Variants in CSMD1 observed in about 807,000 individuals in gnomAD.
CSMD1 encodes the protein CUB and Sushi multiple domains 1.
In CSMD1, 213 loss-of-function variants were observed where a neutral mutation model predicts 417.5. That is an observed-to-expected ratio of 0.51 (90% CI 0.46 to 0.57). The LOEUF (loss-of-function observed/expected upper bound fraction) is 0.57, where lower values mean the gene tolerates loss of function less well. Ranked by LOEUF, CSMD1 falls within the 20% of genes least tolerant of loss-of-function variation. The pLI is 0.00. For missense variants in CSMD1, 6,923 were observed against 4,529.7 expected, an observed-to-expected ratio of 1.53 and a Z score of -15.17; for synonymous variants, 2,862 against 1,736.8, an observed-to-expected ratio of 1.65 and a Z score of -16.11.
chr8:4,754,488 T>C (rs1811542041), intron 1 of CSMD1, among the ~76,000 whole-genome samples: 1 of 152,044 alleles, frequency 6.6e-6, no homozygotes, highest in South Asian at 2.1e-4. Context: ...ATTTTTGCAC[T>C]TCCAAGTTTA....
chr8:4,051,756 G>T (rs866736273), intron 3 of CSMD1, among the ~76,000 whole-genome samples: 1 of 152,140 alleles, frequency 6.6e-6, no homozygotes, highest in African/African-American at 2.4e-5. Context: ...CACCACTGCT[G>T]GTTTTGGTAG....
chr8:4,375,141 G>T (rs933750613), intron 3 of CSMD1, among the ~76,000 whole-genome samples: 1 of 152,140 alleles, frequency 6.6e-6, no homozygotes, highest in South Asian at 2.1e-4. Flanking sequence ...CTGTAGATAG[G>T]TGAAAATACA....
chr8:3,407,300 T>A (rs752659883), intron 14 of CSMD1, among the ~76,000 whole-genome samples: 1 of 151,582 alleles, frequency 6.6e-6, no homozygotes, highest in Non-Finnish European at 1.5e-5. Context: ...AAAGGAATGA[T>A]AGACGGAATA....
At position 3,515,177 on chromosome 8, in the gene CSMD1, C is replaced by G. The variant is rs566153453; in HGVS notation, c.1345-21451G>C. The G allele has an allele frequency of 9.8e-5, 15 of 152,300 alleles. No homozygotes were observed. In the East Asian group the frequency reaches 2.3e-3, roughly 23 times the overall value. 9.4% of individuals were successfully genotyped at this position (152,300 alleles called of 1,614,324 possible). On this transcript the variant is annotated intron_variant, in intron 10 of 69. Coordinates refer to ENST00000635120, the MANE Select transcript of CSMD1 (RefSeq NM_033225.6). ...AAGAAGTAGTCATGAAAGTCCTACTCTCTATGAAATTTTAAAGATTTGAGG... is the reference window on the plus strand; with the variant it reads ...AAGAAGTAGTCATGAAAGTCCTACTGTCTATGAAATTTTAAAGATTTGAGG...
At chr8:3,677,630 A>C (rs558290746) in intron 7 of CSMD1, among the ~76,000 whole-genome samples, 12 of 152,290 alleles carry the variant, frequency 7.9e-5, no homozygotes, top group South Asian at 6.2e-4. Flanking sequence ...TCTTTTAAGC[A>C]AAACCTCCAG....
chr8:3,249,065 G>C (rs1033886861), intron 26 of CSMD1, among the ~76,000 whole-genome samples: 3 of 152,170 alleles, frequency 2.0e-5, no homozygotes, highest in African/African-American at 7.2e-5. Context: ...GCAGCGTACA[G>C]TGGGTTCTCA....
At position 3,452,986 on chromosome 8, in the gene CSMD1, T is replaced by A. The variant is rs549455540; in HGVS notation, c.1561+15726A>T. On this transcript the variant is annotated intron_variant, in intron 12 of 69. Transcript: ENST00000635120. ...TTGGTAAGCTATTAATTATTGCCTC[T>A]ATTTCAGAGCCTGTTATTGGTCTAT... is the stretch of plus-strand genomic sequence containing the variant. Among the ~76,000 whole-genome samples, 6 of 152,254 alleles carry A rather than the reference T, an allele frequency of 3.9e-5. No homozygotes were observed. The East Asian group carries it at 9.7e-4, about 25-fold the overall frequency.
At chr8:4,103,837 C>G (rs570102735) in intron 3 of CSMD1, among the ~76,000 whole-genome samples, 6 of 152,302 alleles carry the variant, frequency 3.9e-5, no homozygotes, top group Non-Finnish European at 8.8e-5. Context: ...ATAAAATGCT[C>G]TAACTCCCTG....
rs548467841 is a variant in CSMD1, at chr8:4,146,052, T to C, written c.416-113953A>G. On this transcript the variant is annotated intron_variant, in intron 3 of 69. Coordinates refer to ENST00000635120, the MANE Select transcript of CSMD1 (RefSeq NM_033225.6). ...GTTGGGGAGTGAACACTTAGCAACA[T>C]TGCAGACACTTGAGGGAGGCAATTG... 6.0e-5 allele frequency among the ~76,000 whole-genome samples: 9 copies of C among 150,838 alleles called. 2 individuals carry two copies. Among genetic ancestry groups the C allele is most frequent in the African/African-American group, 2.0e-4 (8 of 40,264 alleles).
chr8:4,911,056 T>A (rs1287286262), intron 1 of CSMD1, among the ~76,000 whole-genome samples: 2 of 152,202 alleles, frequency 1.3e-5, no homozygotes, highest in African/African-American at 2.4e-5. Context: ...GACTTGCTCC[T>A]CCTTGCCTTC....
In CSMD1 at chr8:4,345,959, T is replaced by G. The variant is rs566840624; in HGVS notation, c.415+73994A>C. On this transcript the variant is annotated intron_variant, in intron 3 of 69. Coordinates refer to ENST00000635120, the MANE Select transcript of CSMD1 (RefSeq NM_033225.6). ...CCTCAGTGTTTTCAAACTACGCTCT[T>G]CATACTGACTAGATATCATTTGGAA... is the stretch of plus-strand genomic sequence containing the variant. Among the ~76,000 whole-genome samples, 10 of 152,156 alleles carry G rather than the reference T, an allele frequency of 6.6e-5. No individual in the cohort carries two copies. In the South Asian group the frequency reaches 1.7e-3, roughly 25 times the overall value.
chr8:3,683,986 G>C (rs1445075640), intron 7 of CSMD1, among the ~76,000 whole-genome samples: 1 of 151,402 alleles, frequency 6.6e-6, no homozygotes, highest in Non-Finnish European at 1.5e-5. Context: ...GAAGTATGAA[G>C]TAACTCATTA....
intron 26 of CSMD1, among the ~76,000 whole-genome samples, chr8:3,245,639 C>G (rs1013387292): frequency 6.6e-6 from 1 of 152,170 alleles, no homozygotes; most frequent in African/African-American, 2.4e-5. Flanking sequence ...TCCGCAGGCA[C>G]CTGACTCCAA....
intron 3 of CSMD1, among the ~76,000 whole-genome samples, chr8:4,174,380 A>G (rs1426101726): frequency 6.6e-6 from 1 of 152,070 alleles, no homozygotes; most frequent in African/African-American, 2.4e-5. Flanking sequence ...TCATTTGCGC[A>G]AGGCCTAATT....
intron 2 of CSMD1, among the ~76,000 whole-genome samples, chr8:4,475,121 G>T (rs1800730766): frequency 6.6e-6 from 1 of 152,082 alleles, no homozygotes; most frequent in Non-Finnish European, 1.5e-5. Context: ...GTTTTAGGAT[G>T]CTTTATTATG....
intron 5 of CSMD1, among the ~76,000 whole-genome samples, chr8:3,807,953 A>G (rs1398457015): frequency 6.6e-6 from 1 of 152,190 alleles, no homozygotes; most frequent in Admixed American, 6.5e-5. Context: ...GGCTTGCATA[A>G]CTTGTCAAAC....
At chr8:3,965,459 C>G (rs1812618801) in intron 5 of CSMD1, among the ~76,000 whole-genome samples, 1 of 152,056 alleles carries the variant, frequency 6.6e-6, no homozygotes, top group South Asian at 2.1e-4. Flanking sequence ...GCGTAGAATT[C>G]TCTGTTTGAG....
intron 12 of CSMD1, among the ~76,000 whole-genome samples, chr8:3,448,948 A>C (rs1438375879): frequency 2.0e-5 from 3 of 152,250 alleles, no homozygotes; most frequent in African/African-American, 4.8e-5. Context: ...TAAATGTAGG[A>C]AAGAAGGTGA....
chr8:3,220,439 G>C (rs1341821988), intron 28 of CSMD1, among the ~76,000 whole-genome samples: 1 of 152,198 alleles, frequency 6.6e-6, no homozygotes, highest in Non-Finnish European at 1.5e-5. Context: ...GAGTCTCTGA[G>C]CTTTAAAACT....
Sources: gnomAD v4.1 joint callset for allele counts (sites outside exome capture counted in the v4.1 genomes callset) on GRCh38, gnomAD v4.1.1 for gene constraint, MANE v1.5 for transcripts, NCBI Gene and HGNC (gene_info 2026-07-23, HGNC 2026-07-21) for gene names.